The following ANO3 variants were observed in gnomAD, a reference collection of about 807,000 sequenced individuals.
ANO3 encodes anoctamin 3.
A neutral mutation model predicts 144.8 loss-of-function variants in ANO3; 99 were observed. That is an observed-to-expected ratio of 0.68 (90% confidence interval 0.58 to 0.81). ANO3 has a LOEUF of 0.81. ANO3 is among the 30% of genes least tolerant of loss of function. The pLI is 0.00. For missense variants in ANO3, 905 were observed against 1,202.2 expected (o/e 0.75, Z 3.66); for synonymous variants, 414 against 392.6 (o/e 1.05, Z -0.64).
chr11:26,192,554 G>A (rs1385658948), intron 1 of ANO3, among the ~76,000 whole-genome samples: 2 of 152,150 alleles, frequency 1.3e-5, no homozygotes, highest in Non-Finnish European at 2.9e-5. Flanking sequence ...CATTTACATA[G>A]TAACTATTAG....
At chr11:26,257,340 T>C (rs1853083088) in intron 1 of ANO3, among the ~76,000 whole-genome samples, 1 of 152,094 alleles carries the variant, frequency 6.6e-6, no homozygotes, top group Non-Finnish European at 1.5e-5. Context: ...CCCAAGGACA[T>C]GTAACTACCC....
intron 1 of ANO3, among the ~76,000 whole-genome samples, chr11:26,203,987 G>A (rs1851747749): frequency 6.6e-6 from 1 of 152,112 alleles, no homozygotes; most frequent in African/African-American, 2.4e-5. Flanking sequence ...GATTATTCCA[G>A]AGCTGGTAGA....
At chr11:26,457,304 A>G (rs1380942484) in intron 3 of ANO3, among the ~76,000 whole-genome samples, 1 of 146,900 alleles carries the variant, frequency 6.8e-6, no homozygotes, top group Non-Finnish European at 1.5e-5. Flanking sequence ...AAGAAAAAAG[A>G]AAGAAAACAA....
chr11:26,297,740 A>C (rs1854126104), intron 1 of ANO3, among the ~76,000 whole-genome samples: 1 of 152,210 alleles, frequency 6.6e-6, no homozygotes. Flanking sequence ...ACCCATCTGT[A>C]CCAAGTTTCC....
intron 1 of ANO3, among the ~76,000 whole-genome samples, chr11:26,229,554 C>T (rs568673216): frequency 1.3e-5 from 2 of 152,114 alleles, no homozygotes; most frequent in South Asian, 4.2e-4. Context: ...GGAAGGCAAC[C>T]CCCTTTCATA....
intron 14 of ANO3, chr11:26,567,280 C>A: frequency 2.1e-6 from 1 of 479,768 alleles, no homozygotes; most frequent in Non-Finnish European, 3.5e-6. Context: ...AATCTGAGTA[C>A]TGATTTCATG....
intron 1 of ANO3, among the ~76,000 whole-genome samples, chr11:26,315,165 C>T (rs571684315): frequency 1.4e-4 from 22 of 152,060 alleles, no homozygotes; most frequent in Non-Finnish European, 2.8e-4. Context: ...AGCAATTCAT[C>T]TTGTTTTCTA....
At chr11:26,232,678 C>G (rs1852426889) in intron 1 of ANO3, among the ~76,000 whole-genome samples, 1 of 151,950 alleles carries the variant, frequency 6.6e-6, no homozygotes, top group Admixed American at 6.6e-5. Context: ...CCATAAAAAC[C>G]CTAGAAGAAA....
intron 4 of ANO3, chr11:26,474,205 T>A: frequency 1.7e-6 from 1 of 575,994 alleles, no homozygotes; most frequent in Non-Finnish European, 2.2e-6. Context: ...AGAAGCCAAT[T>A]GAGAGAAATT....
At chr11:26,262,719 AACAC>A (rs144643690) in intron 1 of ANO3, among the ~76,000 whole-genome samples, 1 of 149,198 alleles carries the variant, frequency 6.7e-6, no homozygotes, top group African/African-American at 2.5e-5. Context: ...CCTTATAGTA[AACAC>A]ACACACACAC....
chr11:26,649,871 G>A (rs4129736), intron 24 of ANO3, among the ~76,000 whole-genome samples: 100,212 of 152,046 alleles, frequency 0.66, 34,421 homozygotes, highest in East Asian at 0.82. Flanking sequence ...TTTTTTCTTA[G>A]TTCAAAATAA....
rs1260820555 is a variant in ANO3 at position 26,647,827 on chromosome 11, C to T, written c.2547C>T (p.Pro849=). The stretch of plus-strand genomic sequence containing the variant: ...TTGTTTATGAATACAAATATGGCCC[C>T]TGTGCAAATCATGTAGAACCAAGTG... ...PRFVYEYKYG[P]CANHVEPSEN... Residue 849 remains proline, a synonymous_variant, in exon 24 of 27, where the codon CCC becomes CCT. Transcript: ENST00000256737. 8.1e-6 allele frequency: 13 copies of T among 1,612,778 alleles called. No homozygotes were observed. Among genetic ancestry groups the T allele is most frequent in the East Asian group, 2.2e-5 (1 of 44,818 alleles).
In ANO3 at chr11:26,499,743, T is replaced by C. The variant is rs78812655; in HGVS notation, c.433-8361T>C. On this transcript the variant is annotated intron_variant, in intron 4 of 26. Coordinates refer to ENST00000256737, the MANE Select transcript of ANO3 (RefSeq NM_031418.4). ...TTCCTATGTTAGCTTCTGTAAGATA[T>C]AGTCTCATGCATTTTACAATCAAAA... Among the ~76,000 whole-genome samples, 53 of 152,068 alleles carry C rather than the reference T, an allele frequency of 3.5e-4. No homozygotes were observed. The East Asian group carries it at 9.3e-3, about 27-fold the overall frequency.
intron 1 of ANO3, among the ~76,000 whole-genome samples, chr11:26,213,818 T>A (rs1851982946): frequency 6.6e-6 from 1 of 152,004 alleles, no homozygotes; most frequent in Non-Finnish European, 1.5e-5. Context: ...AAATGATATA[T>A]TTTGATTTGT....
intron 14 of ANO3, among the ~76,000 whole-genome samples, chr11:26,592,434 G>A (rs1167066485): frequency 6.6e-6 from 1 of 151,862 alleles, no homozygotes; most frequent in African/African-American, 2.4e-5. Context: ...CCTTGGGGAA[G>A]TATGAATCTG....
At chr11:26,602,864 C>A (rs577296326) in intron 17 of ANO3, among the ~76,000 whole-genome samples, 3 of 152,130 alleles carry the variant, frequency 2.0e-5, no homozygotes, top group Non-Finnish European at 4.4e-5. Context: ...CCCTCCCCAA[C>A]CCATGTAATT....
intron 4 of ANO3, among the ~76,000 whole-genome samples, chr11:26,491,061 T>A (rs1590411233): frequency 6.6e-6 from 1 of 152,126 alleles, no homozygotes; most frequent in Non-Finnish European, 1.5e-5. Context: ...TGGCTGGGAG[T>A]ATGGACTAAA....
At chr11:26,407,654 G>A (rs917719426) in intron 1 of ANO3, among the ~76,000 whole-genome samples, 1 of 151,772 alleles carries the variant, frequency 6.6e-6, no homozygotes, top group African/African-American at 2.4e-5. Context: ...CACACTGAGA[G>A]CAGAGCGATA....
chr11:26,588,808 T>G (rs1851361023), intron 14 of ANO3, among the ~76,000 whole-genome samples: 1 of 152,228 alleles, frequency 6.6e-6, no homozygotes, highest in Non-Finnish European at 1.5e-5. Context: ...GTTTTTGCTT[T>G]TCTTTGTAGC....
Sources: allele counts gnomAD v4.1 joint callset (sites outside exome capture counted in the v4.1 genomes callset), GRCh38; gene constraint gnomAD v4.1.1; transcripts MANE v1.5; gene names NCBI Gene and HGNC (gene_info 2026-07-23, HGNC 2026-07-21).